Variants in CNTRL observed in about 807,000 individuals in gnomAD.
CNTRL encodes the protein 110 kDa centrosomal protein.
A neutral mutation model predicts 303.7 loss-of-function variants in CNTRL; 233 were observed. The ratio of observed to expected loss-of-function variants is 0.77; its 90% confidence interval spans 0.69 to 0.86. CNTRL has a LOEUF of 0.86. Ranked by LOEUF, CNTRL falls within the 40% of genes least tolerant of loss-of-function variation. CNTRL has a pLI of 0.00. For missense variants in CNTRL, 2,524 were observed against 2,650.6 expected (o/e 0.95, Z 1.05); for synonymous variants, 900 against 922.2 (o/e 0.98, Z 0.44).
intron 39 of CNTRL, 189 bp from the exon 40 acceptor site, chr9:121,171,219 T>C (rs2053288182): frequency 1.5e-6 from 1 of 679,710 alleles, no homozygotes; most frequent in Non-Finnish European, 2.7e-6. Context: ...GCTAACAGAC[T>C]CTGACGTGTA....
At chr9:121,149,338 CTG>C (rs1428434787) in intron 24 of CNTRL, among the ~76,000 whole-genome samples, 6 of 152,082 alleles carry the variant, frequency 3.9e-5, no homozygotes, top group Non-Finnish European at 7.4e-5. Flanking sequence ...TGCTGTGAAA[CTG>C]TTAATCTGTA....
Position 121,157,835 on chromosome 9 carries a change from C to T in CNTRL, c.4592C>T (p.Ser1531Leu), listed in dbSNP as rs765002655. 1.2e-6 allele frequency: 2 copies of T among 1,614,018 alleles called. No homozygotes were observed. Among genetic ancestry groups the T allele is most frequent in the African/African-American group, 1.3e-5 (1 of 74,910 alleles). The change falls in exon 29 of 44, where the codon TCA becomes TTA. Residue 1531 changes from serine (S) to leucine (L), a missense_variant. By Grantham distance (145) the Ser-to-Leu change is moderately radical. Coordinates refer to ENST00000373855, the MANE Select transcript of CNTRL (RefSeq NM_007018.6). ...AACAAAATTGTAGCAGCAAAAGACT[C>T]AGACTTCCAATGTTTAAGCAAGAAG... ...EINKIVAAKD[S>L]DFQCLSKKKE...
intron 14 of CNTRL, among the ~76,000 whole-genome samples, chr9:121,135,267 A>G (rs1037409130): frequency 1.3e-5 from 2 of 152,192 alleles, no homozygotes; most frequent in Non-Finnish European, 2.9e-5. Context: ...TGAACATGCT[A>G]TGGTTTAATA....
chr9:121,136,040 C>T (rs1006126100), intron 15 of CNTRL, 58 bp downstream of exon 15: 5 of 1,373,808 alleles, frequency 3.6e-6, no homozygotes, highest in Middle Eastern at 1.9e-4. Flanking sequence ...AAGATATCAT[C>T]CTTCTTTTAT....
At chr9:121,138,502 T>C (rs1449166978) in intron 15 of CNTRL, 43 bp from the exon 16 acceptor site, 10 of 1,583,630 alleles carry the variant, frequency 6.3e-6, no homozygotes, top group Admixed American at 3.5e-5. Flanking sequence ...TCATAAATTA[T>C]TGCTGTTTTA....
intron 31 of CNTRL, among the ~76,000 whole-genome samples, 183 bp from the exon 32 acceptor site, chr9:121,159,956 ACTTT>A (rs1359559676): frequency 6.6e-6 from 1 of 152,208 alleles, no homozygotes; most frequent in African/African-American, 2.4e-5. Context: ...AGAATATGTT[ACTTT>A]CTTCTATTAT....
intron 38 of CNTRL, 139 bp downstream of exon 38, chr9:121,168,460 T>C: frequency 4.5e-6 from 3 of 669,312 alleles, no homozygotes; most frequent in Middle Eastern, 4.1e-4. Flanking sequence ...GGAGGTATGA[T>C]AGCCCTGTGA....
At chr9:121,170,410 C>G (rs2053257204) in intron 39 of CNTRL, among the ~76,000 whole-genome samples, 1 of 152,142 alleles carries the variant, frequency 6.6e-6, no homozygotes, top group African/African-American at 2.4e-5. Flanking sequence ...TCCCAAGGTG[C>G]TGGGATTACA....
intron 10 of CNTRL, among the ~76,000 whole-genome samples, chr9:121,114,054 C>T (rs1368397153): frequency 2.6e-5 from 4 of 152,236 alleles, no homozygotes; most frequent in African/African-American, 9.6e-5. Flanking sequence ...TAAAGAACCA[C>T]TTGATTGATT....
At position 121,158,953 on chromosome 9, in the gene CNTRL, A is replaced by AGCT. The variant is rs1299786624; in HGVS notation, c.4865_4867dup (p.Ala1622dup). ...TCCAAGGAAGCATGGTCCAGGCAAA[A>AGCT]GCTGACCTCCAGGAAGCTCTGAGAC... is the stretch of plus-strand genomic sequence containing the variant. On this transcript the variant is annotated inframe_insertion, in exon 31 of 44. Coordinates refer to ENST00000373855, the MANE Select transcript of CNTRL (RefSeq NM_007018.6). 1 of 1,614,180 alleles carries AGCT rather than the reference A, an allele frequency of 6.2e-7. No homozygotes were observed. Among genetic ancestry groups the AGCT allele is most frequent in the Non-Finnish European group, 8.5e-7 (1 of 1,180,014 alleles).
chr9:121,151,675 G>A (rs1193170191), intron 25 of CNTRL, among the ~76,000 whole-genome samples: 3 of 152,172 alleles, frequency 2.0e-5, no homozygotes, highest in Non-Finnish European at 4.4e-5. Context: ...ACAGGCATGA[G>A]TCACTGCGCC....
intron 7 of CNTRL, among the ~76,000 whole-genome samples, chr9:121,100,263 T>G (rs1408599043): frequency 6.6e-6 from 1 of 152,154 alleles, no homozygotes; most frequent in Non-Finnish European, 1.5e-5. Context: ...TCAACATTCT[T>G]AAAGAAAATA....
intron 31 of CNTRL, among the ~76,000 whole-genome samples, chr9:121,159,493 A>C (rs901051024): frequency 3.9e-5 from 6 of 152,092 alleles, no homozygotes; most frequent in African/African-American, 1.4e-4. Context: ...TTAGCCAGGC[A>C]TGGTGGCATG....
intron 17 of CNTRL, among the ~76,000 whole-genome samples, 156 bp from the exon 18 acceptor site, chr9:121,141,225 A>G (rs1275606150): frequency 3.3e-5 from 5 of 152,232 alleles, no homozygotes; most frequent in East Asian, 3.8e-4. Flanking sequence ...TGATAAAGCA[A>G]TAATTTGCGC....
Position 121,115,126 on chromosome 9 carries a change from GA to G in CNTRL, c.1385del (p.Lys462ArgfsTer7). The G allele has an allele frequency of 6.2e-7, 1 of 1,610,290 alleles. No individual in the cohort carries two copies. The highest frequency in any genetic ancestry group is 1.7e-5 in the Admixed American group (1 of 59,552). On this transcript the variant is annotated frameshift_variant, in exon 11 of 44. Transcript: ENST00000373855. LOFTEE classifies it high-confidence loss of function. ...TRLSELHDEIEKAEQQILRAT... is the reference protein window; with the variant it reads ...TRLSELHDEIXKAEQQILRAT... ...ACTATCAGAACTGCATGATGAAATAGAAAAGGCAGAACAACAAATTTTGAGA... is the reference window on the plus strand; with the variant it reads ...ACTATCAGAACTGCATGATGAAATAGAAAGGCAGAACAACAAATTTTGAGA...
chr9:121,157,881 G>A lies in CNTRL; in HGVS notation c.4637+1G>A, dbSNP rs754477418. 3 of 1,613,984 alleles carry A rather than the reference G, an allele frequency of 1.9e-6. No individual in the cohort carries two copies. Among genetic ancestry groups the A allele is most frequent in the African/African-American group, 2.7e-5 (2 of 74,982 alleles). On this transcript the variant is annotated splice_donor_variant, in intron 29 of 43. Coordinates refer to ENST00000373855, the MANE Select transcript of CNTRL (RefSeq NM_007018.6). LOFTEE classifies it high-confidence loss of function. ...AGAAGAAGGAAAAACTGACAGAAGA[G>A]TAAGTAAGGCCTCTGTAGGGCTACA...
rs141513607 is a variant in CNTRL at position 121,161,924 on chromosome 9, G to C, written c.5158G>C (p.Asp1720His). The C allele has an allele frequency of 5.6e-6, 9 of 1,614,004 alleles. No individual in the cohort carries two copies. In the African/African-American group the frequency reaches 9.3e-5, roughly 17 times the overall value. Residue 1720 changes from aspartate (D) to histidine (H), a missense_variant, in exon 33 of 44, where the codon GAC becomes CAC. Physicochemically the swap from Asp to His is moderately conservative, Grantham distance 81 (BLOSUM62 -1). Transcript: ENST00000373855. ...HELQGLKLQH[D>H]QRVSELEKTQ... ...GCTACAAGGTTTGAAGCTACAACAT[G>C]ACCAAAGGGTATCTGAATTAGAGAA...
intron 4 of CNTRL, among the ~76,000 whole-genome samples, chr9:121,093,457 A>G (rs2048753582): frequency 1.3e-5 from 2 of 152,208 alleles, no homozygotes; most frequent in Admixed American, 6.5e-5. Flanking sequence ...GTATAATGCA[A>G]ATATTTCAAA....
chr9:121,100,972 C>T (rs2049134687), intron 7 of CNTRL, among the ~76,000 whole-genome samples: 1 of 151,880 alleles, frequency 6.6e-6, no homozygotes, highest in Non-Finnish European at 1.5e-5. Flanking sequence ...GAGACTTTAA[C>T]ACCCCCCACT....
Sources: allele counts gnomAD v4.1 joint callset (sites outside exome capture counted in the v4.1 genomes callset), GRCh38; gene constraint gnomAD v4.1.1; transcripts MANE v1.5; gene names NCBI Gene and HGNC (gene_info 2026-07-23, HGNC 2026-07-21).